Variants in HHLA2 observed in about 807,000 individuals in gnomAD.
HHLA2 encodes the protein HHLA2 member of B7 family.
In HHLA2, 48 loss-of-function variants were observed where a neutral mutation model predicts 45.9. That is an observed-to-expected ratio of 1.05 (90% CI 0.83 to 1.33). HHLA2 has a LOEUF of 1.33. Ranked by LOEUF, HHLA2 falls within the 40% of genes most tolerant of loss-of-function variation. The pLI, the probability that HHLA2 is intolerant of heterozygous loss-of-function variation, is 0.00. For synonymous variants in HHLA2, 161 were observed against 173.9 expected (o/e 0.93, Z 0.59); for missense variants, 462 against 494.3 (o/e 0.93, Z 0.62).
intron 8 of HHLA2, among the ~76,000 whole-genome samples, chr3:108,366,945 T>G (rs180726618): frequency 2.4e-3 from 363 of 152,166 alleles, no homozygotes; most frequent in Admixed American, 4.6e-3. Context: ...AGACACCTCA[T>G]ACAGGAGATC....
At chr3:108,341,786 G>C (rs2081575708) in intron 3 of HHLA2, among the ~76,000 whole-genome samples, 1 of 152,204 alleles carries the variant, frequency 6.6e-6, no homozygotes, top group Non-Finnish European at 1.5e-5. Context: ...ACTCAGCACA[G>C]ACAGGAGCAG....
At chr3:108,328,581 G>T (rs1235361113) in intron 3 of HHLA2, among the ~76,000 whole-genome samples, 1 of 152,142 alleles carries the variant, frequency 6.6e-6, no homozygotes, top group African/African-American at 2.4e-5. Context: ...CCTGGGCTTT[G>T]AATCCAAGTA....
chr3:108,316,501 C>T (rs1263366767), intron 2 of HHLA2, among the ~76,000 whole-genome samples: 1 of 152,104 alleles, frequency 6.6e-6, no homozygotes, highest in Non-Finnish European at 1.5e-5. Context: ...CAGTCTAAGA[C>T]CTGAAAGATT....
chr3:108,353,955 C>T (rs2081837914), intron 5 of HHLA2, among the ~76,000 whole-genome samples, 175 bp downstream of exon 4: 1 of 152,070 alleles, frequency 6.6e-6, no homozygotes, highest in African/African-American at 2.4e-5. Flanking sequence ...ACAACTGTTC[C>T]CCTGTTGGTG....
intron 2 of HHLA2, among the ~76,000 whole-genome samples, chr3:108,320,683 G>A (rs2081184292): frequency 6.6e-6 from 1 of 152,136 alleles, no homozygotes. Context: ...TACAAAGCTA[G>A]TTGTGTGAGG....
chr3:108,367,256 GC>G (rs1389530872), intron 8 of HHLA2, among the ~76,000 whole-genome samples: 2 of 152,142 alleles, frequency 1.3e-5, no homozygotes, highest in South Asian at 2.1e-4. Context: ...GGAAAAACCA[GC>G]ACAAAAATGC....
At chr3:108,360,019 T>C (rs1339562416) in intron 7 of HHLA2, among the ~76,000 whole-genome samples, 1 of 152,220 alleles carries the variant, frequency 6.6e-6, no homozygotes, top group Non-Finnish European at 1.5e-5. Flanking sequence ...TAGATGGAAA[T>C]GTGGCTGTAG....
At chr3:108,345,440 A>T (rs929313393) in intron 3 of HHLA2, among the ~76,000 whole-genome samples, 6 of 152,254 alleles carry the variant, frequency 3.9e-5, no homozygotes, top group Admixed American at 6.5e-5. Flanking sequence ...ACAGAATATC[A>T]GATAGTAAAT....
chr3:108,362,191 T>G, intron 7 of HHLA2, 151 bp from the exon 7 acceptor site: 1 of 612,066 alleles, frequency 1.6e-6, no homozygotes, highest in Non-Finnish European at 2.9e-6. Flanking sequence ...TTATGCAAAG[T>G]GTTTTCATAT....
intron 8 of HHLA2, among the ~76,000 whole-genome samples, chr3:108,370,439 C>T (rs888691470): frequency 9.2e-5 from 14 of 152,090 alleles, no homozygotes; most frequent in Admixed American, 2.6e-4. Flanking sequence ...TCCAAAGGAA[C>T]GCAGCTCCTC....
intron 8 of HHLA2, among the ~76,000 whole-genome samples, chr3:108,369,224 G>A (rs1301524967): frequency 6.6e-6 from 1 of 152,218 alleles, no homozygotes; most frequent in Non-Finnish European, 1.5e-5. Flanking sequence ...AGCTAAAGCA[G>A]TGTTGAGAGG....
chr3:108,377,965 A>G (rs1490108223), exon 11 of HHLA2: 1 of 152,218 alleles, frequency 6.6e-6, no homozygotes, highest in Non-Finnish European at 1.5e-5. Context: ...AGAAGTAAAA[A>G]TAGCCTTAAC....
At chr3:108,320,900 T>TAATTCA (rs2081188068) in intron 2 of HHLA2, among the ~76,000 whole-genome samples, 1 of 152,136 alleles carries the variant, frequency 6.6e-6, no homozygotes, top group Admixed American at 6.6e-5. Context: ...TTACCCTGGG[T>TAATTCA]TTCTTGCTGC....
Position 108,353,795 on chromosome 3 carries a change from A to G in HHLA2, c.418+15A>G, listed in dbSNP as rs75751035. ...AAAGGTGGGAGGTAAGTGTGCATGT[A>G]AAGTTTCATGAAACAGCAATGACAT... On this transcript the variant is annotated intron_variant, in intron 5 of 10. Coordinates refer to ENST00000619531, the Ensembl canonical transcript of HHLA2. 43 of 1,571,580 alleles carry G rather than the reference A, an allele frequency of 2.7e-5. No individual in the cohort carries two copies. The highest frequency in any genetic ancestry group is 3.6e-5 in the Non-Finnish European group (42 of 1,153,446).
chr3:108,300,844 T>C (rs2080836816), intron 1 of HHLA2, among the ~76,000 whole-genome samples: 2 of 152,234 alleles, frequency 1.3e-5, no homozygotes, highest in South Asian at 4.1e-4. Context: ...TCCCAAACAC[T>C]TTATTTTAAT....
chr3:108,332,105 T>TA, intron 3 of HHLA2, among the ~76,000 whole-genome samples: 1 of 152,202 alleles, frequency 6.6e-6, no homozygotes, highest in Non-Finnish European at 1.5e-5. Context: ...ACATTCACTT[T>TA]AAAAGGTAAG....
intron 8 of HHLA2, among the ~76,000 whole-genome samples, chr3:108,368,815 T>G (rs1459660781): frequency 6.6e-6 from 1 of 151,914 alleles, no homozygotes; most frequent in Non-Finnish European, 1.5e-5. Flanking sequence ...CAATATTAGA[T>G]CAATGAGACA....
At chr3:108,301,061 A>G (rs2080840548) in intron 1 of HHLA2, among the ~76,000 whole-genome samples, 1 of 152,098 alleles carries the variant, frequency 6.6e-6, no homozygotes, top group South Asian at 2.1e-4. Context: ...TACATGCACA[A>G]TATCTCTTCT....
At chr3:108,371,476 T>A (rs2082170762) in intron 8 of HHLA2, among the ~76,000 whole-genome samples, 1 of 152,230 alleles carries the variant, frequency 6.6e-6, no homozygotes, top group East Asian at 1.9e-4. Flanking sequence ...CATATAACAA[T>A]ATTAACCTTA....
Sources: allele counts gnomAD v4.1 joint callset (sites outside exome capture counted in the v4.1 genomes callset), GRCh38; gene constraint gnomAD v4.1.1; transcripts MANE v1.5; gene names NCBI Gene and HGNC (gene_info 2026-07-23, HGNC 2026-07-21).